AMMECR1L: variants seen among roughly 807,000 people sequenced by gnomAD.
AMMECR1L encodes AMMECR1 like.
A neutral mutation model predicts 36.8 loss-of-function variants in AMMECR1L; 4 were observed. The observed-to-expected ratio is 0.11, with a 90% CI of 0.05 to 0.25. The LOEUF (loss-of-function observed/expected upper bound fraction) is 0.25. AMMECR1L is among the 10% of genes least tolerant of loss of function. AMMECR1L has a pLI of 1.00. For missense variants in AMMECR1L, 232 were observed against 392.1 expected, an observed-to-expected ratio of 0.59 and a Z score of 3.45; for synonymous variants, 147 against 148.0, an observed-to-expected ratio of 0.99 and a Z score of 0.05.
chr2:127,883,498 G>A (rs1395951760), intron 2 of AMMECR1L, among the ~76,000 whole-genome samples: 1 of 151,966 alleles, frequency 6.6e-6, no homozygotes, highest in Non-Finnish European at 1.5e-5. Context: ...CTGTAGCAAG[G>A]TGCCACATTT....
intron 1 of AMMECR1L, chr2:127,885,381 C>A (rs1264480684): frequency 1.1e-6 from 1 of 884,862 alleles, no homozygotes; most frequent in Non-Finnish European, 1.3e-6. Context: ...GGCCGAGCCG[C>A]GGGGGTGGAA....
chr2:127,871,170 A>G lies in AMMECR1L; in HGVS notation c.518+79T>C. 6.9e-7 allele frequency: 1 copy of G among 1,457,484 alleles called. No homozygotes were observed. The highest frequency in any genetic ancestry group is 2.3e-5 in the East Asian group (1 of 43,638). 90.3% of individuals were successfully genotyped at this position (1,457,484 alleles called of 1,614,324 possible). On this transcript the variant is annotated intron_variant, in intron 4 of 7. Transcript: ENST00000272647. The surrounding 1 kb of genome is among the most constrained non-coding windows in gnomAD (Gnocchi z 4.3). ...AAAAAGAGAAAGCTCAACGTACATCACTTAGAAGAAATAAAGTCAGGCAGC... is the reference window on the plus strand; with the variant it reads ...AAAAAGAGAAAGCTCAACGTACATCGCTTAGAAGAAATAAAGTCAGGCAGC...
At chr2:127,867,983 C>T (rs550347522) in intron 6 of AMMECR1L, among the ~76,000 whole-genome samples, 1 of 152,300 alleles carries the variant, frequency 6.6e-6, no homozygotes, top group African/African-American at 2.4e-5. Context: ...TGTGATCCTC[C>T]CACCTCAGCC....
intron 5 of AMMECR1L, among the ~76,000 whole-genome samples, chr2:127,870,498 A>C (rs1305653859): frequency 6.6e-6 from 1 of 151,936 alleles, no homozygotes; most frequent in Admixed American, 6.6e-5. Flanking sequence ...AAGCAAACAA[A>C]AACTTTTACT....
chr2:127,879,554 T>C (rs189886690), intron 2 of AMMECR1L, among the ~76,000 whole-genome samples: 17 of 152,244 alleles, frequency 1.1e-4, no homozygotes, highest in African/African-American at 3.9e-4. Context: ...TTTATAGCAA[T>C]GCAAAAATGG....
At position 127,871,546 on chromosome 2, in the gene AMMECR1L, C is replaced by CTA. The variant is rs1481812696; in HGVS notation, c.408-189_408-188dup. 6.6e-6 allele frequency among the ~76,000 whole-genome samples: 1 copy of CTA among 152,186 alleles called. No homozygotes were observed. Among genetic ancestry groups the CTA allele is most frequent in the African/African-American group, 2.4e-5 (1 of 41,440 alleles). Reference sequence around the variant, plus strand: ...CAGCCCCTGGCTGGAAACGGGAAACCTACAAGGCAGCATAAGGAAAGGCTC... The same window carrying CTA: ...CAGCCCCTGGCTGGAAACGGGAAACCTATACAAGGCAGCATAAGGAAAGGCTC... On this transcript the variant is annotated intron_variant, in intron 3 of 7. Transcript: ENST00000272647. This position sits in a 1 kb window ranked among gnomAD's most constrained non-coding sequence, Gnocchi z 4.3.
At chr2:127,877,146 C>T (rs2104770126) in intron 2 of AMMECR1L, among the ~76,000 whole-genome samples, 1 of 151,570 alleles carries the variant, frequency 6.6e-6, no homozygotes, top group South Asian at 2.1e-4. Context: ...TTCCACTGTT[C>T]TCTAGGAGGG....
chr2:127,864,001 ACTGTTTC>A lies in AMMECR1L; in HGVS notation c.*1086_*1092del. 6.6e-6 allele frequency: 1 copy of A among 152,552 alleles called. No homozygotes were observed. Among genetic ancestry groups the A allele is most frequent in the East Asian group, 1.9e-4 (1 of 5,192 alleles). 9.4% of individuals were successfully genotyped at this position (152,552 alleles called of 1,614,324 possible). A position where few individuals can be genotyped will look rare whatever the true frequency, so the allele number is the denominator to read the frequency against. The stretch of plus-strand genomic sequence containing the variant: ...AAGGTCCACCTTGTGTAATTACACA[ACTGTTTC>A]CTAATGTCCTGTAAAGGACAGAAAC... On this transcript the variant is annotated 3_prime_UTR_variant, in exon 8 of 8. Coordinates refer to ENST00000272647, the MANE Select transcript of AMMECR1L (RefSeq NM_001199140.2).
chr2:127,883,198 G>A (rs1362711808), intron 2 of AMMECR1L, among the ~76,000 whole-genome samples: 2 of 151,520 alleles, frequency 1.3e-5, no homozygotes, highest in Admixed American at 1.3e-4. Flanking sequence ...CCGGGTTCAA[G>A]CGATTCTCCT....
At chr2:127,868,505 C>A (rs189319419) in intron 6 of AMMECR1L, among the ~76,000 whole-genome samples, 2 of 152,156 alleles carry the variant, frequency 1.3e-5, no homozygotes, top group Non-Finnish European at 2.9e-5. Context: ...TACACTTCAC[C>A]GGGTATTTTT....
At chr2:127,872,786 C>A (rs757016409) in intron 3 of AMMECR1L, among the ~76,000 whole-genome samples, 1 of 152,202 alleles carries the variant, frequency 6.6e-6, no homozygotes, top group Non-Finnish European at 1.5e-5. Context: ...TTCCAAACTG[C>A]ATCTCTCTCT....
Position 127,873,468 on chromosome 2 carries a change from C to T in AMMECR1L, c.407+360G>A. On this transcript the variant is annotated intron_variant, in intron 3 of 7. Coordinates refer to ENST00000272647, the MANE Select transcript of AMMECR1L (RefSeq NM_001199140.2). The surrounding 1 kb of genome is among the most constrained non-coding windows in gnomAD (Gnocchi z 5.2). ...GCCTGGCCCTCAGACTTCCAACTCA[C>T]CTGGACTTCAACACTATGGGTGTCC... 1 of 985,452 alleles carries T rather than the reference C, an allele frequency of 1.0e-6. No individual in the cohort carries two copies. The highest frequency in any genetic ancestry group is 1.2e-6 in the Non-Finnish European group (1 of 829,938). The allele number at this position is 985,452 out of a possible 1,614,324, so 61.0% of individuals were successfully genotyped here.
chr2:127,885,934 C>A lies in AMMECR1L; in HGVS notation c.-273G>T. ...GAGAGAAGCTGGCCTGCGGGCGGGC[C>A]GGACGCGCTGCGCGGACGGGGCGGG... On this transcript the variant is annotated 5_prime_UTR_variant, in exon 1 of 8. Transcript: ENST00000272647. 8 of 989,498 alleles carry A rather than the reference C, an allele frequency of 8.1e-6. No individual in the cohort carries two copies. Among genetic ancestry groups the A allele is most frequent in the Non-Finnish European group, 9.6e-6 (8 of 833,086 alleles). The allele number at this position is 989,498 out of a possible 1,614,324, so 61.3% of individuals were successfully genotyped here. A position where few individuals can be genotyped will look rare whatever the true frequency, so the allele number is the denominator to read the frequency against.
chr2:127,874,304 G>A lies in AMMECR1L; in HGVS notation c.-38-32C>T. 6.4e-7 allele frequency: 1 copy of A among 1,565,596 alleles called. No individual in the cohort carries two copies. Among genetic ancestry groups the A allele is most frequent in the South Asian group, 1.2e-5 (1 of 85,090 alleles). Reference sequence around the variant, plus strand: ...AAAATGAGAAGTTAAGCATTAATTTGACTGGTTAGTTAAAAGGAGAGGAAA... The same window carrying A: ...AAAATGAGAAGTTAAGCATTAATTTAACTGGTTAGTTAAAAGGAGAGGAAA... On this transcript the variant is annotated intron_variant, in intron 2 of 7. Transcript: ENST00000272647. The surrounding 1 kb of genome is among the most constrained non-coding windows in gnomAD (Gnocchi z 5.2).
intron 3 of AMMECR1L, among the ~76,000 whole-genome samples, chr2:127,872,763 T>A (rs539781408): frequency 3.3e-4 from 50 of 152,272 alleles, no homozygotes; most frequent in African/African-American, 1.0e-3. Context: ...AACACCCACA[T>A]CATCACCTGT....
In AMMECR1L at chr2:127,879,603, A is replaced by G. The variant is rs180827612; in HGVS notation, c.-39+4600T>C. Among the ~76,000 whole-genome samples the G allele has an allele frequency of 3.9e-5, 6 of 152,328 alleles. No homozygotes were observed. The East Asian group carries it at 1.2e-3, about 29-fold the overall frequency. On this transcript the variant is annotated intron_variant, in intron 2 of 7. Transcript: ENST00000272647. ...AACTACAGGCAAAGAATGTAAACCA[A>G]GGTGCTGGTAATAAACAAAGACTTC...
chr2:127,867,053 C>T, intron 6 of AMMECR1L, 57 bp from the exon 7 acceptor site: 3 of 1,608,384 alleles, frequency 1.9e-6, no homozygotes, highest in Non-Finnish European at 2.5e-6. Flanking sequence ...AAGGCATGCT[C>T]TCACATGGCC....
Position 127,873,584 on chromosome 2 carries a change from T to C in AMMECR1L, c.407+244A>G. ...ACAGAAGAGCCAAGAATGAACTCAC[T>C]TGATTTCCAGAACATTACTTTAACA... On this transcript the variant is annotated intron_variant, in intron 3 of 7. Coordinates refer to ENST00000272647, the MANE Select transcript of AMMECR1L (RefSeq NM_001199140.2). The surrounding 1 kb of genome is among the most constrained non-coding windows in gnomAD (Gnocchi z 5.2). 9.1e-6 allele frequency: 9 copies of C among 985,456 alleles called. No individual in the cohort carries two copies. The highest frequency in any genetic ancestry group is 4.7e-5 in the South Asian group (1 of 21,288). The allele number at this position is 985,456 out of a possible 1,614,324, so 61.0% of individuals were successfully genotyped here. A position where few individuals can be genotyped will look rare whatever the true frequency, so the allele number is the denominator to read the frequency against.
At position 127,881,707 on chromosome 2, in the gene AMMECR1L, TA is replaced by T. The variant is rs1299898410; in HGVS notation, c.-39+2495del. Among the ~76,000 whole-genome samples the T allele has an allele frequency of 2.0e-5, 3 of 152,216 alleles. No individual in the cohort carries two copies. In the East Asian group the frequency reaches 5.8e-4, roughly 29 times the overall value. The stretch of plus-strand genomic sequence containing the variant: ...TACCAATACTTCCCTACCCCACTGA[TA>T]AAAGTAGCGTTGGTTATAAAAATAA... On this transcript the variant is annotated intron_variant, in intron 2 of 7. Coordinates refer to ENST00000272647, the MANE Select transcript of AMMECR1L (RefSeq NM_001199140.2).
Sources: allele counts gnomAD v4.1 joint callset (sites outside exome capture counted in the v4.1 genomes callset), GRCh38; gene constraint gnomAD v4.1.1; non-coding constraint Gnocchi (gnomAD v3.1); transcripts MANE v1.5; gene names NCBI Gene and HGNC (gene_info 2026-07-23, HGNC 2026-07-21).